The following TKFC variants were observed in gnomAD, a reference collection of about 807,000 sequenced individuals.
The protein encoded by TKFC is triokinase and FMN cyclase.
TKFC carries 46 observed loss-of-function variants against 61.0 expected under a neutral mutation model. That is an observed-to-expected ratio of 0.75 (90% CI 0.60 to 0.96). TKFC has a LOEUF of 0.96. Among genes scored for constraint, TKFC ranks in the 50% least tolerant of loss-of-function variants. The probability of loss-of-function intolerance (pLI) is 0.00; values close to 1 mark genes in which losing one functional copy is unlikely to be tolerated. For synonymous variants in TKFC, 314 were observed against 330.1 expected (o/e 0.95, Z 0.53); for missense variants, 715 against 777.5 (o/e 0.92, Z 0.96).
Position 61,348,110 on chromosome 11 carries a change from C to T in TKFC, c.*1607C>T. 2.0e-6 allele frequency: 2 copies of T among 985,466 alleles called. No individual in the cohort carries two copies. Among genetic ancestry groups the T allele is most frequent in the Non-Finnish European group, 2.4e-6 (2 of 829,938 alleles). 61.0% of individuals were successfully genotyped at this position (985,466 alleles called of 1,614,324 possible). On this transcript the variant is annotated 3_prime_UTR_variant, in exon 18 of 18. Coordinates refer to ENST00000394900, the MANE Select transcript of TKFC (RefSeq NM_015533.4). ...CCTGACCACAAGGCATCCACGTGCA[C>T]AGGAGTATGCGCCCAGCAGCTGGGA...
chr11:61,333,720 T>G (rs1856483173), intron 1 of TKFC: 1 of 152,138 alleles, frequency 6.6e-6, no homozygotes, highest in South Asian at 2.1e-4. Flanking sequence ...AAAACCAGTA[T>G]TTCTCCGTAG....
intron 5 of TKFC, among the ~76,000 whole-genome samples, chr11:61,339,896 C>A (rs1419175954): frequency 2.0e-5 from 3 of 152,200 alleles, no homozygotes; most frequent in African/African-American, 7.2e-5. Flanking sequence ...CACTGAAAGC[C>A]TTCTTGGGTG....
In TKFC at chr11:61,341,505, A is replaced by G. The variant is rs1756472174; in HGVS notation, c.556A>G (p.Lys186Glu). 1 of 1,554,716 alleles carries G rather than the reference A, an allele frequency of 6.4e-7. No homozygotes were observed. Among genetic ancestry groups the G allele is most frequent in the Non-Finnish European group, 8.7e-7 (1 of 1,148,568 alleles). Reference sequence around the variant, plus strand: ...CGCAAAGCAGGTGAACGTGGTCGCCAAGGCCATGGGTGAGTGCTGGCCTGG... The same window carrying G: ...CGCAAAGCAGGTGAACGTGGTCGCCGAGGCCATGGGTGAGTGCTGGCCTGG... Reference protein sequence around the residue: ...EIAKQVNVVAKAMGTLGVSLS... With the variant: ...EIAKQVNVVAEAMGTLGVSLS... Residue 186 changes from lysine to glutamate, a missense_variant, in exon 6 of 18, where the codon AAG becomes GAG. Lys to Glu is a moderately conservative substitution (Grantham distance 56). Coordinates refer to ENST00000394900, the MANE Select transcript of TKFC (RefSeq NM_015533.4).
chr11:61,346,211 G>A lies in TKFC; in HGVS notation c.1576-140G>A, dbSNP rs1857117977. Reference sequence around the variant, plus strand: ...TAGATGAGAAGTGACTTTCCATTTGGTGACAGAGCAGAGGGTGCTGGCAGA... The same window carrying A: ...TAGATGAGAAGTGACTTTCCATTTGATGACAGAGCAGAGGGTGCTGGCAGA... On this transcript the variant is annotated intron_variant, in intron 17 of 17. Coordinates refer to ENST00000394900, the MANE Select transcript of TKFC (RefSeq NM_015533.4). The surrounding 1 kb of genome is among the most constrained non-coding windows in gnomAD (Gnocchi z 4.1). The A allele has an allele frequency of 2.0e-6, 3 of 1,525,342 alleles. No homozygotes were observed. The South Asian group carries it at 3.7e-5, about 19-fold the overall frequency. The allele number at this position is 1,525,342 out of a possible 1,614,324, so 94.5% of individuals were successfully genotyped here. A position where few individuals can be genotyped will look rare whatever the true frequency, so the allele number is the denominator to read the frequency against.
chr11:61,337,843 A>T, intron 2 of TKFC, 98 bp from the exon 3 acceptor site: 1 of 1,188,608 alleles, frequency 8.4e-7, no homozygotes, highest in South Asian at 1.7e-5. Context: ...TCCTAGGTGG[A>T]TGCGGGAGAG....
At chr11:61,336,298 G>A (rs1856604111) in intron 2 of TKFC, 1 of 154,488 alleles carries the variant, frequency 6.5e-6, no homozygotes, top group Admixed American at 6.5e-5. Context: ...TTTGTACAAA[G>A]GAGCTGGTGC....
Position 61,339,320 on chromosome 11 carries a change from A to AGG in TKFC, c.372_373dup (p.Ala125GlyfsTer13). 6.2e-7 allele frequency: 1 copy of AGG among 1,613,936 alleles called. No homozygotes were observed. ...CTCAACTTCGGCCTGGCCCGGGAGCAGGCCCGGGCTGAAGGCATCCCGGTG... is the reference window on the plus strand; with the variant it reads ...CTCAACTTCGGCCTGGCCCGGGAGCAGGGGCCCGGGCTGAAGGCATCCCGGTG... On this transcript the variant is annotated frameshift_variant, in exon 5 of 18. Transcript: ENST00000394900.
At chr11:61,337,519 G>A (rs1268687243) in intron 2 of TKFC, among the ~76,000 whole-genome samples, 2 of 152,158 alleles carry the variant, frequency 1.3e-5, no homozygotes, top group Non-Finnish European at 2.9e-5. Flanking sequence ...GCCCCGCGTT[G>A]GAGCACCAGG....
At position 61,339,082 on chromosome 11, in the gene TKFC, G is replaced by A; in HGVS notation, c.210G>A (p.Gly70=). 3 of 1,613,126 alleles carry A rather than the reference G, an allele frequency of 1.9e-6. No individual in the cohort carries two copies. Among genetic ancestry groups the A allele is most frequent in the Non-Finnish European group, 2.5e-6 (3 of 1,179,688 alleles). ...CACCTCCAGGTTTCATAGGGAAGGG[G>A]ATGCTGACTGGGGTCATCGCGGGAG... ...EPAHAGFIGK[G]MLTGVIAGAV... Residue 70 remains glycine (G), a synonymous_variant, in exon 4 of 18, where the codon GGG becomes GGA. Transcript: ENST00000394900.
At chr11:61,342,433 G>T (rs760283708) in intron 7 of TKFC, 28 bp from the exon 8 acceptor site, 13 of 1,613,754 alleles carry the variant, frequency 8.1e-6, no homozygotes, top group Non-Finnish European at 1.0e-5. Context: ...GCCTTGAGTG[G>T]GTCAGCAGTG....
At chr11:61,339,958 C>G (rs904665735) in intron 5 of TKFC, among the ~76,000 whole-genome samples, 1 of 152,128 alleles carries the variant, frequency 6.6e-6, no homozygotes, top group South Asian at 2.1e-4. Flanking sequence ...CCACCTTCAT[C>G]TCCCATCATC....
chr11:61,352,928 T>C, downstream of TKFC: 1 of 1,613,444 alleles, frequency 6.2e-7, no homozygotes, highest in Non-Finnish European at 8.5e-7. Flanking sequence ...GGGTGTATCT[T>C]TTGAAGACCC....
intron 11 of TKFC, 96 bp downstream of exon 11, chr11:61,343,554 A>T: frequency 8.5e-7 from 1 of 1,170,888 alleles, no homozygotes; most frequent in East Asian, 2.3e-5. Flanking sequence ...GACCGTGACA[A>T]TCAGGGCTCT....
downstream of TKFC, chr11:61,350,574 C>G: frequency 1.1e-6 from 1 of 894,966 alleles, no homozygotes; most frequent in Non-Finnish European, 1.7e-6. Flanking sequence ...GAGCCTGGTA[C>G]ACACCCCGTC....
chr11:61,340,630 A>G (rs61895905), intron 5 of TKFC, among the ~76,000 whole-genome samples: 40,317 of 44,368 alleles, frequency 0.91, 18,823 homozygotes, highest in East Asian at 1. Flanking sequence ...CTGGGATTAC[A>G]GGCGTGAGCC....
Position 61,337,856 on chromosome 11 carries a change from G to T in TKFC, c.4-85G>T, listed in dbSNP as rs1481478969. On this transcript the variant is annotated intron_variant, in intron 2 of 17. Transcript: ENST00000394900. Reference sequence around the variant, plus strand: ...GTTCCTAGGTGGATGCGGGAGAGGGGTCTACACCACAGCAGTGTGGCTGCG... The same window carrying T: ...GTTCCTAGGTGGATGCGGGAGAGGGTTCTACACCACAGCAGTGTGGCTGCG... The T allele has an allele frequency of 8.1e-6, 11 of 1,356,174 alleles. No homozygotes were observed. The South Asian group carries it at 1.3e-4, about 16-fold the overall frequency. 84.0% of individuals were successfully genotyped at this position (1,356,174 alleles called of 1,614,324 possible).
chr11:61,345,240 C>T lies in TKFC; in HGVS notation c.1241-20C>T. On this transcript the variant is annotated intron_variant, in intron 13 of 17. Coordinates refer to ENST00000394900, the MANE Select transcript of TKFC (RefSeq NM_015533.4). ...GGAGGGAGGATCTCTGAATTCCTCC[C>T]CATCTCTCTCTGCCTGCAGCAATCC... is the stretch of plus-strand genomic sequence containing the variant. 1 of 1,516,936 alleles carries T rather than the reference C, an allele frequency of 6.6e-7. No individual in the cohort carries two copies. The highest frequency in any genetic ancestry group is 8.9e-7 in the Non-Finnish European group (1 of 1,128,782). The allele number at this position is 1,516,936 out of a possible 1,614,324, so 94.0% of individuals were successfully genotyped here.
At chr11:61,339,508 C>T in intron 5 of TKFC, 73 bp downstream of exon 5, 1 of 1,491,878 alleles carries the variant, frequency 6.7e-7, no homozygotes, top group East Asian at 2.3e-5. Flanking sequence ...CACCCAGTAA[C>T]TGGACCTTTC....
At chr11:61,337,920 C>T (rs780492922) in intron 2 of TKFC, 21 bp from the exon 3 acceptor site, 1 of 1,586,542 alleles carries the variant, frequency 6.3e-7, no homozygotes, top group Middle Eastern at 1.7e-4. Flanking sequence ...TTCTGACCTC[C>T]TTCTCACTCC....
Sources: allele counts gnomAD v4.1 joint callset (sites outside exome capture counted in the v4.1 genomes callset), GRCh38; gene constraint gnomAD v4.1.1; non-coding constraint Gnocchi (gnomAD v3.1); transcripts MANE v1.5; gene names NCBI Gene and HGNC (gene_info 2026-07-23, HGNC 2026-07-21).